The following QKI variants were observed in gnomAD, a reference collection of about 807,000 sequenced individuals.
QKI encodes QKI, KH domain containing RNA binding.
A neutral mutation model predicts 39.0 loss-of-function variants in QKI; 10 were observed. The ratio of observed to expected loss-of-function variants is 0.26; its 90% CI spans 0.16 to 0.43. The LOEUF is 0.43. QKI is among the 20% of genes least tolerant of loss of function. The pLI is 1.00. For missense variants in QKI, 218 were observed against 428.0 expected, an observed-to-expected ratio of 0.51 and a Z score of 4.33; for synonymous variants, 204 against 155.4, an observed-to-expected ratio of 1.31 and a Z score of -2.33.
Position 163,535,101 on chromosome 6 carries a change from A to G in QKI, c.522A>G (p.Glu174=), listed in dbSNP as rs745488493. 1 of 1,602,650 alleles carries G rather than the reference A, an allele frequency of 6.2e-7. No individual in the cohort carries two copies. Among genetic ancestry groups the G allele is most frequent in the Non-Finnish European group, 8.5e-7 (1 of 1,175,014 alleles). The change falls in exon 4 of 8, where the codon GAA becomes GAG. Residue 174 remains glutamate, a synonymous_variant. Transcript: ENST00000361752. The part of the protein sequence containing the change: ...AEIKLKRAVE[E]VKKLLVPAAE... ...TCAAATTGAAGAGAGCAGTTGAAGA[A>G]GTGAAGAAATTATTGGTACCTGCAG... is the stretch of plus-strand genomic sequence containing the variant.
chr6:163,560,390 A>C (rs1320024768), intron 4 of QKI, among the ~76,000 whole-genome samples: 4 of 152,180 alleles, frequency 2.6e-5, no homozygotes, highest in African/African-American at 9.7e-5. Flanking sequence ...GTTTCACTTA[A>C]AGTTAGTTTT....
intron 4 of QKI, among the ~76,000 whole-genome samples, chr6:163,556,198 C>T (rs908443443): frequency 6.6e-6 from 1 of 152,134 alleles, no homozygotes; most frequent in African/African-American, 2.4e-5. Flanking sequence ...TGTTTGTATC[C>T]TTTTAACATA....
intron 4 of QKI, among the ~76,000 whole-genome samples, chr6:163,543,425 T>A (rs1052590836): frequency 6.6e-6 from 1 of 152,030 alleles, no homozygotes; most frequent in African/African-American, 2.4e-5. Context: ...TTAATCTGAA[T>A]GGGAAATCTG....
intron 2 of QKI, among the ~76,000 whole-genome samples, chr6:163,462,216 A>G (rs1791407256): frequency 6.6e-6 from 1 of 152,196 alleles, no homozygotes; most frequent in Non-Finnish European, 1.5e-5. Context: ...TCAGCCTCCC[A>G]AAGTGCTGGG....
chr6:163,568,549 C>T (rs1783515765), intron 7 of QKI: 1 of 980,568 alleles, frequency 1.0e-6, no homozygotes, highest in South Asian at 4.7e-5. Context: ...TGTATGCACT[C>T]ATTGGGTCTA....
intron 3 of QKI, among the ~76,000 whole-genome samples, chr6:163,500,970 T>A (rs368362414): frequency 6.6e-6 from 1 of 152,148 alleles, no homozygotes; most frequent in East Asian, 1.9e-4. Flanking sequence ...AACACCCACA[T>A]GTAGCTTCTG....
At chr6:163,538,338 G>A (rs767815727) in intron 4 of QKI, among the ~76,000 whole-genome samples, 2 of 152,146 alleles carry the variant, frequency 1.3e-5, no homozygotes, top group Non-Finnish European at 2.9e-5. Flanking sequence ...GCAGAATAAG[G>A]GAATAGAGAA....
At chr6:163,533,435 T>TG (rs2128240860) in intron 3 of QKI, among the ~76,000 whole-genome samples, 1 of 152,354 alleles carries the variant, frequency 6.6e-6, no homozygotes, top group African/African-American at 2.4e-5. Context: ...ACTATACATT[T>TG]TATTTGTAAA....
chr6:163,472,460 G>C (rs914962221), intron 2 of QKI, among the ~76,000 whole-genome samples: 2 of 152,108 alleles, frequency 1.3e-5, no homozygotes, highest in Admixed American at 6.6e-5. Context: ...AAAATGTTCT[G>C]TAAGTAGACC....
Position 163,562,086 on chromosome 6 carries a change from A to G in QKI, c.634+17A>G. The G allele has an allele frequency of 6.3e-7, 1 of 1,597,644 alleles. No individual in the cohort carries two copies. Among genetic ancestry groups the G allele is most frequent in the Non-Finnish European group, 8.5e-7 (1 of 1,170,296 alleles). ...TTAAATCACGTAAGAATGAGCTCTGAGGCCCAGGGTTACTGCTGTCTGCGT... is the reference window on the plus strand; with the variant it reads ...TTAAATCACGTAAGAATGAGCTCTGGGGCCCAGGGTTACTGCTGTCTGCGT... On this transcript the variant is annotated intron_variant, in intron 5 of 7. Coordinates refer to ENST00000361752, the MANE Select transcript of QKI (RefSeq NM_006775.3).
rs1158725778 is a variant in QKI, at chr6:163,563,572, A to C, written c.787A>C (p.Met263Leu). The C allele has an allele frequency of 6.2e-7, 1 of 1,614,184 alleles. No individual in the cohort carries two copies. The highest frequency in any genetic ancestry group is 1.7e-5 in the Admixed American group (1 of 60,018). Residue 263 changes from methionine to leucine, a missense_variant, in exon 6 of 8, where the codon ATG (methionine) becomes CTG (leucine). This residue lies in a region of QKI where 117 missense variants were observed against 186.0 expected (regional missense o/e 0.63). Transcript: ENST00000361752. ...PLIRQIQTAV[M>L]PNGTPHPTAA... is the part of the protein sequence containing the mutation. ...GATCAGACAAATACAGACCGCTGTC[A>C]TGCCAAACGGAACTCCTCACCCAAC...
intron 1 of QKI, among the ~76,000 whole-genome samples, chr6:163,447,054 A>G (rs970246520): frequency 6.6e-6 from 1 of 152,134 alleles, no homozygotes; most frequent in African/African-American, 2.4e-5. Context: ...GGCTTATTCC[A>G]TTTTATTTCC....
intron 1 of QKI, among the ~76,000 whole-genome samples, chr6:163,434,091 G>C (rs866719471): frequency 6.6e-6 from 1 of 151,974 alleles, no homozygotes; most frequent in East Asian, 1.9e-4. Context: ...TTTTAATCCA[G>C]CTCTTTGCTG....
intron 4 of QKI, among the ~76,000 whole-genome samples, chr6:163,540,931 C>G (rs1191133241): frequency 6.6e-6 from 1 of 151,686 alleles, no homozygotes; most frequent in Non-Finnish European, 1.5e-5. Context: ...ATTTTATCAA[C>G]CGTTTTCTAA....
chr6:163,527,441 G>A (rs544588447), intron 3 of QKI, among the ~76,000 whole-genome samples: 135 of 152,200 alleles, frequency 8.9e-4, no homozygotes, highest in Non-Finnish European at 1.5e-3. Flanking sequence ...AATTCTGTTT[G>A]GAGGGGTTTT....
intron 1 of QKI, among the ~76,000 whole-genome samples, chr6:163,443,425 C>T (rs913750514): frequency 2.6e-5 from 4 of 152,244 alleles, no homozygotes; most frequent in East Asian, 1.9e-4. Flanking sequence ...AAAAATTAGT[C>T]GGTGTGGTGG....
At chr6:163,566,966 G>T in intron 7 of QKI, 171 bp downstream of exon 7, 3 of 1,366,540 alleles carry the variant, frequency 2.2e-6, no homozygotes, top group Non-Finnish European at 2.8e-6. Flanking sequence ...TTTTTGTTTT[G>T]GTTTGGTTTT....
At chr6:163,460,398 A>G (rs1001154142) in intron 2 of QKI, among the ~76,000 whole-genome samples, 32 of 152,212 alleles carry the variant, frequency 2.1e-4, no homozygotes, top group Non-Finnish European at 8.8e-5. Flanking sequence ...CCTGGTTGCT[A>G]TAGTTAGTAG....
At chr6:163,419,204 G>T (rs943595237) in intron 1 of QKI, among the ~76,000 whole-genome samples, 1 of 151,802 alleles carries the variant, frequency 6.6e-6, no homozygotes, top group African/African-American at 2.4e-5. Context: ...AAAATATTTC[G>T]TTAAAACTTG....
Sources: allele counts gnomAD v4.1 joint callset (sites outside exome capture counted in the v4.1 genomes callset), GRCh38; gene constraint gnomAD v4.1.1; regional missense constraint gnomAD v4.1.1; transcripts MANE v1.5; gene names NCBI Gene and HGNC (gene_info 2026-07-23, HGNC 2026-07-21).